The following DPP10 variants were observed in gnomAD, a reference collection of about 807,000 sequenced individuals.
The protein encoded by DPP10 is dipeptidyl peptidase like 10.
A neutral mutation model predicts 120.9 loss-of-function variants in DPP10; 33 were observed. The ratio of observed to expected loss-of-function variants is 0.27; its 90% CI spans 0.21 to 0.37. The LOEUF (loss-of-function observed/expected upper bound fraction) is 0.37. Among genes scored for constraint, DPP10 ranks in the 10% least tolerant of loss-of-function variants. The pLI is 1.00. For synonymous variants in DPP10, 337 were observed against 326.1 expected, an observed-to-expected ratio of 1.03 and a Z score of -0.36; for missense variants, 816 against 942.8, an observed-to-expected ratio of 0.87 and a Z score of 1.76.
At chr2:114,496,924 A>G (rs532960819) in intron 1 of DPP10, among the ~76,000 whole-genome samples, 226 of 152,020 alleles carry the variant, frequency 1.5e-3, no homozygotes, top group African/African-American at 5.3e-3. Flanking sequence ...CAGCACAAGA[A>G]TTTTAACTAA....
At chr2:115,688,315 C>G (rs2091121539) in intron 5 of DPP10, among the ~76,000 whole-genome samples, 1 of 152,140 alleles carries the variant, frequency 6.6e-6, no homozygotes, top group East Asian at 1.9e-4. Context: ...CTTGCAATTT[C>G]ATTGCAAAGA....
At chr2:115,611,251 C>G (rs1015942948) in intron 5 of DPP10, among the ~76,000 whole-genome samples, 1 of 152,044 alleles carries the variant, frequency 6.6e-6, no homozygotes. Flanking sequence ...TGAAGAAGAG[C>G]GTATTTTCCT....
intron 3 of DPP10, among the ~76,000 whole-genome samples, chr2:115,460,124 C>T (rs892948517): frequency 2.6e-5 from 4 of 151,784 alleles, no homozygotes; most frequent in Admixed American, 6.6e-5. Context: ...TTTGAATATT[C>T]AGTGGTAATG....
intron 1 of DPP10, among the ~76,000 whole-genome samples, chr2:115,201,853 TAAA>T (rs59872188): frequency 6.6e-6 from 1 of 151,146 alleles, no homozygotes; most frequent in Non-Finnish European, 1.5e-5. Context: ...AACTTGAAGT[TAAA>T]AAAAAAAATC....
intron 1 of DPP10, among the ~76,000 whole-genome samples, chr2:115,223,819 A>G (rs1371992055): frequency 6.6e-6 from 1 of 152,176 alleles, no homozygotes; most frequent in African/African-American, 2.4e-5. Context: ...TGGAATGTTT[A>G]TCACATCAGT....
In DPP10 at chr2:115,715,360, A is replaced by AG. The variant is rs776916666; in HGVS notation, c.577-12456_577-12455insG. 1.3e-3 allele frequency among the ~76,000 whole-genome samples: 177 copies of AG among 135,514 alleles called. 1 individual carries two copies. The highest frequency in any genetic ancestry group is 1.8e-3 in the Non-Finnish European group (110 of 61,002). 88.9% of individuals were successfully genotyped at this position (135,514 alleles called of 152,430 possible). A position where few individuals can be genotyped will look rare whatever the true frequency, so the allele number is the denominator to read the frequency against. On this transcript the variant is annotated intron_variant, in intron 7 of 25. Coordinates refer to ENST00000410059, the MANE Select transcript of DPP10 (RefSeq NM_020868.6). The stretch of plus-strand genomic sequence containing the variant: ...GTCTCAAAAAAAAAAAAAAAAAAAA[A>AG]AAAGAAAGAAAAGAAAAAGAAAAAT...
At chr2:115,819,293 A>G (rs1174912928) in intron 21 of DPP10, among the ~76,000 whole-genome samples, 1 of 152,230 alleles carries the variant, frequency 6.6e-6, no homozygotes, top group Non-Finnish European at 1.5e-5. Flanking sequence ...TTTGAAAAGA[A>G]TATTTTTTCA....
intron 1 of DPP10, among the ~76,000 whole-genome samples, chr2:115,119,572 G>A (rs182951895): frequency 6.6e-6 from 1 of 152,272 alleles, no homozygotes; most frequent in East Asian, 1.9e-4. Flanking sequence ...TCAGTCTTTT[G>A]TGGTAGTATG....
chr2:114,978,538 T>C (rs1356525437), intron 1 of DPP10, among the ~76,000 whole-genome samples: 1 of 152,098 alleles, frequency 6.6e-6, no homozygotes, highest in Non-Finnish European at 1.5e-5. Flanking sequence ...CAGGACATAA[T>C]CTCCAGTAAC....
intron 1 of DPP10, among the ~76,000 whole-genome samples, chr2:115,084,293 A>G (rs1465646541): frequency 6.6e-6 from 1 of 152,216 alleles, no homozygotes; most frequent in Non-Finnish European, 1.5e-5. Context: ...AAAAACACAT[A>G]ATAATGCGCT....
chr2:115,777,299 T>C lies in DPP10; in HGVS notation c.1313T>C (p.Ile438Thr). The part of the protein sequence containing the change: ...ILAYDETTQK[I>T]YFLSTESSPR... ...GCATACGATGAAACTACTCAAAAAATGTGAGTGTTTTCAGTTCTCTAGTCA... is the reference window on the plus strand; with the variant it reads ...GCATACGATGAAACTACTCAAAAAACGTGAGTGTTTTCAGTTCTCTAGTCA... The change falls in exon 14 of 26, where the codon ATT becomes ACT. Residue 438 changes from isoleucine to threonine, a missense_variant and splice_region_variant. Transcript: ENST00000410059. The C allele has an allele frequency of 1.9e-6, 3 of 1,612,106 alleles. No homozygotes were observed. Among genetic ancestry groups the C allele is most frequent in the Non-Finnish European group, 2.5e-6 (3 of 1,178,608 alleles).
intron 1 of DPP10, among the ~76,000 whole-genome samples, chr2:114,551,501 C>A (rs1246656941): frequency 6.6e-6 from 1 of 152,176 alleles, no homozygotes; most frequent in Non-Finnish European, 1.5e-5. Context: ...TTCCCAGGTA[C>A]TTTGCTGCCT....
chr2:115,482,454 A>C (rs943197976), intron 3 of DPP10, among the ~76,000 whole-genome samples: 1 of 151,936 alleles, frequency 6.6e-6, no homozygotes, highest in African/African-American at 2.4e-5. Flanking sequence ...TATTCATAGA[A>C]TTGTCTAACC....
chr2:115,654,048 G>A (rs187666754), intron 5 of DPP10, among the ~76,000 whole-genome samples: 101 of 151,740 alleles, frequency 6.7e-4, no homozygotes, highest in Admixed American at 2.4e-3. Flanking sequence ...GCCCTACAAC[G>A]TTCTTTTTAT....
intron 1 of DPP10, among the ~76,000 whole-genome samples, chr2:115,115,364 C>A (rs1457359280): frequency 6.6e-6 from 1 of 152,224 alleles, no homozygotes; most frequent in African/African-American, 2.4e-5. Context: ...CAATAAGATC[C>A]AGGGTTACCT....
intron 1 of DPP10, among the ~76,000 whole-genome samples, chr2:115,044,220 A>T (rs1211063987): frequency 6.6e-6 from 1 of 152,148 alleles, no homozygotes; most frequent in Non-Finnish European, 1.5e-5. Flanking sequence ...CAGGAAGCAT[A>T]GCATCTTCTG....
chr2:114,804,917 A>C (rs1283277973), intron 1 of DPP10, among the ~76,000 whole-genome samples: 1 of 152,114 alleles, frequency 6.6e-6, no homozygotes. Flanking sequence ...GGAATGATAT[A>C]GTTTGGCTGC....
rs1323397293 is a variant in DPP10, at chr2:115,449,157, T to A, written c.272-50353T>A. ...TTTAAGTTTGATTTACGCAAAAAAA[T>A]TGTACATTTTTAAACTATAATTGTA... On this transcript the variant is annotated intron_variant, in intron 3 of 25. Coordinates refer to ENST00000410059, the MANE Select transcript of DPP10 (RefSeq NM_020868.6). Among the ~76,000 whole-genome samples the A allele has an allele frequency of 3.3e-5, 5 of 152,226 alleles. No individual in the cohort carries two copies. In the East Asian group the frequency reaches 5.8e-4, roughly 18 times the overall value.
intron 19 of DPP10, among the ~76,000 whole-genome samples, chr2:115,808,042 A>G (rs1393465864): frequency 6.6e-6 from 1 of 152,236 alleles, no homozygotes; most frequent in African/African-American, 2.4e-5. Context: ...AATCACTGCT[A>G]CTAATCTAAC....
Sources: allele counts gnomAD v4.1 joint callset (sites outside exome capture counted in the v4.1 genomes callset), GRCh38; gene constraint gnomAD v4.1.1; transcripts MANE v1.5; gene names NCBI Gene and HGNC (gene_info 2026-07-23, HGNC 2026-07-21).